Variants in NBPF14 observed in about 807,000 individuals in gnomAD.
NBPF14 encodes the protein NBPF family member NBPF14.
A neutral mutation model predicts 91.2 loss-of-function variants in NBPF14; 104 were observed. The observed-to-expected ratio is 1.14, with a 90% CI of 0.97 to 1.34. The LOEUF is 1.34. Among genes scored for constraint, NBPF14 ranks in the 40% most tolerant of loss-of-function variants. The pLI is 0.00. For synonymous variants in NBPF14, 294 were observed against 303.8 expected, an observed-to-expected ratio of 0.97 and a Z score of 0.34; for missense variants, 908 against 783.0, an observed-to-expected ratio of 1.16 and a Z score of -1.91.
At chr1:148,577,769 T>C (rs1482323628) in intron 14 of NBPF14, among the ~76,000 whole-genome samples, 748 of 140,718 alleles carry the variant, frequency 5.3e-3, no homozygotes, top group Non-Finnish European at 7.9e-3. Flanking sequence ...TTTTGAGGTA[T>C]GGTCAACTTT....
chr1:148,535,166 G>T (rs1170537301), intron 68 of NBPF14, among the ~76,000 whole-genome samples: 28 of 149,572 alleles, frequency 1.9e-4, no homozygotes, highest in Admixed American at 1.9e-3. Flanking sequence ...AGCGAACAGT[G>T]ATCATGAAAA....
intron 68 of NBPF14, 148 bp downstream of exon 68, chr1:148,535,305 T>C (rs1654915472): frequency 1.6e-6 from 1 of 622,604 alleles, no homozygotes; most frequent in Non-Finnish European, 2.8e-6. Flanking sequence ...AACCTAAACA[T>C]CTACTGCAAT....
intron 2 of NBPF14, among the ~76,000 whole-genome samples, 176 bp from the exon 3 acceptor site, chr1:148,593,876 C>T (rs1198608068): frequency 6.7e-6 from 1 of 149,536 alleles, no homozygotes; most frequent in African/African-American, 2.4e-5. Flanking sequence ...GCATCTGATC[C>T]TCCAAAATTT....
exon 4 of NBPF14, chr1:148,592,631 C>T: frequency 6.3e-7 from 1 of 1,585,550 alleles, no homozygotes. Flanking sequence ...GCCCCTGGGA[C>T]TTGTCCGGCT....
rs1315026602 is a variant in NBPF14 at position 148,566,270 on chromosome 1, C to A, written c.3588G>T (p.Gln1196His). 6 of 657,962 alleles carry A rather than the reference C, an allele frequency of 9.1e-6. No individual in the cohort carries two copies. The African/African-American group carries it at 1.4e-4, about 15-fold the overall frequency. The allele number at this position is 657,962 out of a possible 1,614,324, so 40.8% of individuals were successfully genotyped here. The change falls in exon 29 of 71, where the codon CAG becomes CAT. Residue 1196 changes from glutamine (Q) to histidine (H), a missense_variant. Gln to His is a conservative substitution (Grantham distance 24). Around this residue, in one of 13 missense-constraint regions of NBPF14, gnomAD observed 447 missense variants for 189.1 expected, o/e 2.36. Transcript: ENST00000619423. Reference sequence around the variant, plus strand: ...TTGAATAACATCTATCCAGTGAGTCCTGCAAGACTTCAGGCTCTACTACCT... The same window carrying A: ...TTGAATAACATCTATCCAGTGAGTCATGCAAGACTTCAGGCTCTACTACCT...
chr1:148,534,843 G>C (rs1175683645), exon 69 of NBPF14: 6 of 1,043,580 alleles, frequency 5.7e-6, no homozygotes, highest in Non-Finnish European at 5.9e-6. Context: ...TCATCCAGCA[G>C]CTCCCTGCTG....
At chr1:148,561,828 G>T (rs1278283718) in intron 34 of NBPF14, among the ~76,000 whole-genome samples, 1 of 137,890 alleles carries the variant, frequency 7.3e-6, no homozygotes, top group African/African-American at 3.4e-5. Context: ...CAGAGAGAGA[G>T]AGAGAGAGAG....
intron 39 of NBPF14, among the ~76,000 whole-genome samples, chr1:148,557,831 C>T (rs1440163308): frequency 4.2e-5 from 4 of 94,170 alleles, no homozygotes; most frequent in South Asian, 4.3e-4. Context: ...AAAGAAAATG[C>T]CCCAGATGAT....
chr1:148,559,873 A>C lies in NBPF14; in HGVS notation c.4649T>G (p.Leu1550Arg). Residue 1550 changes from leucine to arginine, a missense_variant, in exon 37 of 71, where the codon CTG becomes CGG. This residue lies in a region of NBPF14 where 447 missense variants were observed against 189.1 expected (regional missense o/e 2.36). Coordinates refer to ENST00000619423, the Ensembl canonical transcript of NBPF14. ...TCTATAGGGCTGGCATGAGTCAGTCAGTTCAAGACAACCTGAAGGAGTTGA... is the reference window on the plus strand; with the variant it reads ...TCTATAGGGCTGGCATGAGTCAGTCCGTTCAAGACAACCTGAAGGAGTTGA... 4 of 1,404,930 alleles carry C rather than the reference A, an allele frequency of 2.8e-6. 1 individual carries two copies. The South Asian group carries it at 5.1e-5, about 18-fold the overall frequency. 87.0% of individuals were successfully genotyped at this position (1,404,930 alleles called of 1,614,324 possible).
intron 69 of NBPF14, among the ~76,000 whole-genome samples, 187 bp downstream of exon 69, chr1:148,534,497 C>A (rs1432127104): frequency 1.4e-4 from 21 of 151,798 alleles, no homozygotes; most frequent in Non-Finnish European, 2.1e-4. Context: ...GAGAGTCTTG[C>A]TCACTGACCC....
At chr1:148,577,685 C>G (rs1385931681) in intron 14 of NBPF14, among the ~76,000 whole-genome samples, 1 of 147,080 alleles carries the variant, frequency 6.8e-6, no homozygotes, top group Non-Finnish European at 1.5e-5. Flanking sequence ...GAACAGTGAT[C>G]ATGAAAAGCA....
intron 2 of NBPF14, among the ~76,000 whole-genome samples, chr1:148,595,337 C>A (rs1307546456): frequency 2.0e-5 from 3 of 148,202 alleles, no homozygotes; most frequent in Non-Finnish European, 4.5e-5. Context: ...CTAGTTCCAC[C>A]CCCATCTGAT....
chr1:148,577,487 T>G (rs1422921052), intron 14 of NBPF14, 132 bp from the exon 15 acceptor site: 3 of 704,268 alleles, frequency 4.3e-6, no homozygotes, highest in Non-Finnish European at 7.9e-6. Context: ...AGGTAACAAA[T>G]TATTGCCTTT....
Position 148,559,940 on chromosome 1 carries a change from T to C in NBPF14, c.4582A>G (p.Lys1528Glu), listed in dbSNP as rs1657410345. ...GAGTCCTGCAAGACTTCAGGCCCTT[T>C]CTCATGCAGCAGCTCCCTGCTGAGC... The change falls in exon 37 of 71, where the codon AAA (lysine) becomes GAA (glutamate). Residue 1528 changes from lysine to glutamate, a missense_variant. Lys to Glu is a moderately conservative substitution (Grantham distance 56). This residue lies in a region of NBPF14 where 447 missense variants were observed against 189.1 expected (regional missense o/e 2.36). Transcript: ENST00000619423. 5.8e-6 allele frequency: 8 copies of C among 1,387,112 alleles called. 1 individual carries two copies. The highest frequency in any genetic ancestry group is 5.0e-5 in the East Asian group (2 of 39,958). The allele number at this position is 1,387,112 out of a possible 1,614,324, so 85.9% of individuals were successfully genotyped here. A position where few individuals can be genotyped will look rare whatever the true frequency, so the allele number is the denominator to read the frequency against.
chr1:148,577,544 AC>A (rs1660076676), intron 14 of NBPF14, among the ~76,000 whole-genome samples, 189 bp from the exon 15 acceptor site: 1 of 21,046 alleles, frequency 4.8e-5, no homozygotes, highest in Admixed American at 3.5e-4. Context: ...AACGAGAAAG[AC>A]ACACACACAC....
chr1:148,532,472 C>G (rs1203963956), exon 71 of NBPF14: 2 of 152,246 alleles, frequency 1.3e-5, no homozygotes, highest in African/African-American at 5.0e-5. Context: ...CTTCTCTAAC[C>G]AAAGGAGTCT....
intron 69 of NBPF14, among the ~76,000 whole-genome samples, chr1:148,534,391 G>C (rs1205287265): frequency 2.6e-5 from 4 of 151,796 alleles, no homozygotes; most frequent in African/African-American, 4.8e-5. Context: ...AAACCCTTGA[G>C]TCAAAATCAC....
At chr1:148,557,594 CA>C in intron 39 of NBPF14, 52 bp from the exon 40 acceptor site, 1 of 606,716 alleles carries the variant, frequency 1.6e-6, no homozygotes, top group Non-Finnish European at 2.9e-6. Flanking sequence ...CACCTACACC[CA>C]TAACAGTCCA....
chr1:148,534,999 A>C (rs1245150273), intron 68 of NBPF14, 143 bp from the exon 69 acceptor site: 6 of 710,614 alleles, frequency 8.4e-6, no homozygotes, highest in South Asian at 7.4e-5. Context: ...TATTGCCTTT[A>C]TGTTGGGATA....
Sources: allele counts gnomAD v4.1 joint callset (sites outside exome capture counted in the v4.1 genomes callset), GRCh38; gene constraint gnomAD v4.1.1; regional missense constraint gnomAD v4.1.1; transcripts MANE v1.5; gene names NCBI Gene and HGNC (gene_info 2026-07-23, HGNC 2026-07-21).